NEK1: variants seen among roughly 807,000 people sequenced by gnomAD.
The protein encoded by NEK1 is serine/threonine-protein kinase Nek1.
NEK1 carries 137 observed loss-of-function variants against 182.1 expected under a neutral mutation model. The observed-to-expected ratio is 0.75, with a 90% CI of 0.65 to 0.87. NEK1 has a LOEUF of 0.87. Ranked by LOEUF, NEK1 falls within the 40% of genes least tolerant of loss-of-function variation. The pLI is 0.00. For synonymous variants in NEK1, 513 were observed against 492.2 expected (o/e 1.04, Z -0.56); for missense variants, 1,391 against 1,494.4 (o/e 0.93, Z 1.14).
intron 2 of NEK1, among the ~76,000 whole-genome samples, chr4:169,611,099 C>T (rs1772249304): frequency 6.6e-6 from 1 of 152,130 alleles, no homozygotes; most frequent in Non-Finnish European, 1.5e-5. Context: ...AAAGAATGTA[C>T]ATTCGTGAAA....
intron 23 of NEK1, among the ~76,000 whole-genome samples, chr4:169,501,794 T>C (rs1216946117): frequency 6.6e-6 from 1 of 151,914 alleles, no homozygotes; most frequent in African/African-American, 2.4e-5. Flanking sequence ...TATACAAAAA[T>C]AATAGAAAGA....
At chr4:169,553,971 C>A (rs1761786930) in intron 18 of NEK1, 1 of 152,186 alleles carries the variant, frequency 6.6e-6, no homozygotes, top group African/African-American at 2.4e-5. Flanking sequence ...AGACATGATC[C>A]AGCAATCATC....
chr4:169,585,506 G>C lies in NEK1; in HGVS notation c.650C>G (p.Ser217Cys). The part of the protein sequence containing the change: ...SMKNLVLKII[S>C]GSFPPVSLHY... ...CAAAGACACAGGTGGAAAAGATCCA[G>C]ATATTATCTTCAGTACCAGGTTTTT... The change falls in exon 10 of 36, where the codon TCT becomes TGT. Residue 217 changes from serine to cysteine, a missense_variant. Ser to Cys is a moderately radical substitution (Grantham distance 112). Coordinates refer to ENST00000507142, the MANE Select transcript of NEK1 (RefSeq NM_001199397.3). The C allele has an allele frequency of 1.3e-5, 21 of 1,613,438 alleles. No individual in the cohort carries two copies. The highest frequency in any genetic ancestry group is 1.8e-5 in the Non-Finnish European group (21 of 1,179,600).
chr4:169,446,682 C>T (rs949233008), intron 27 of NEK1, among the ~76,000 whole-genome samples: 4 of 152,038 alleles, frequency 2.6e-5, no homozygotes, highest in Non-Finnish European at 4.4e-5. Context: ...AATTCAGAAT[C>T]TTACCAGATA....
At chr4:169,564,204 T>C (rs996389703) in intron 12 of NEK1, among the ~76,000 whole-genome samples, 2 of 152,136 alleles carry the variant, frequency 1.3e-5, no homozygotes, top group African/African-American at 4.8e-5. Flanking sequence ...TTTACATTTT[T>C]CAGCCACCTT....
At position 169,453,366 on chromosome 4, in the gene NEK1, G is replaced by A. The variant is rs186115775; in HGVS notation, c.2587+9877C>T. On this transcript the variant is annotated intron_variant, in intron 27 of 35. Transcript: ENST00000507142. ...GCCCACATTGCCAAGACAATCCTAA[G>A]CCAAAAGAACAAACCTGGAGGCATC... Among the ~76,000 whole-genome samples, 389 of 152,296 alleles carry A rather than the reference G, an allele frequency of 2.6e-3. 2 individuals carry two copies. The highest frequency in any genetic ancestry group is 9.0e-3 in the African/African-American group (373 of 41,550).
At chr4:169,455,157 T>G (rs1385492379) in intron 27 of NEK1, among the ~76,000 whole-genome samples, 1 of 152,074 alleles carries the variant, frequency 6.6e-6, no homozygotes, top group African/African-American at 2.4e-5. Context: ...GCAGGGAACA[T>G]CACACACTGG....
chr4:169,447,932 C>A (rs1740890517), intron 27 of NEK1, among the ~76,000 whole-genome samples: 2 of 151,936 alleles, frequency 1.3e-5, no homozygotes, highest in Admixed American at 1.3e-4. Flanking sequence ...TGCCTGTAAT[C>A]CTAGAACTTT....
chr4:169,479,361 A>C, intron 24 of NEK1, 42 bp downstream of exon 24: 1 of 1,555,120 alleles, frequency 6.4e-7, no homozygotes, highest in South Asian at 1.2e-5. Context: ...CCTTTTAAAT[A>C]ATCTTTTGAC....
At chr4:169,453,328 G>T (rs1203903362) in intron 27 of NEK1, among the ~76,000 whole-genome samples, 1 of 152,046 alleles carries the variant, frequency 6.6e-6, no homozygotes, top group Admixed American at 6.5e-5. Flanking sequence ...AGTTCATATG[G>T]AACCAAAAAA....
intron 29 of NEK1, among the ~76,000 whole-genome samples, chr4:169,427,706 G>T (rs1400114375): frequency 6.6e-6 from 1 of 150,738 alleles, no homozygotes; most frequent in African/African-American, 2.4e-5. Flanking sequence ...ATGTTGGCCA[G>T]GTTGGTCTCA....
At chr4:169,493,904 AAG>A (rs1429299310) in intron 23 of NEK1, among the ~76,000 whole-genome samples, 13 of 152,322 alleles carry the variant, frequency 8.5e-5, no homozygotes, top group Admixed American at 3.3e-4. Flanking sequence ...CCAATCTTCC[AAG>A]AGAGGTTGAT....
intron 27 of NEK1, among the ~76,000 whole-genome samples, chr4:169,439,742 C>T (rs1390381982): frequency 6.6e-6 from 1 of 151,232 alleles, no homozygotes; most frequent in Non-Finnish European, 1.5e-5. Context: ...AGGAAGAAAG[C>T]TTAATAGATT....
At chr4:169,610,209 C>T (rs1471580728) in intron 2 of NEK1, among the ~76,000 whole-genome samples, 1 of 152,114 alleles carries the variant, frequency 6.6e-6, no homozygotes, top group African/African-American at 2.4e-5. Context: ...GCCATACTGG[C>T]CAGGCTGGTC....
At chr4:169,604,697 ACAT>A (rs1771048070) in intron 2 of NEK1, among the ~76,000 whole-genome samples, 2 of 152,274 alleles carry the variant, frequency 1.3e-5, no homozygotes, top group Admixed American at 1.3e-4. Flanking sequence ...TAAATGACAA[ACAT>A]CATATGCTGT....
chr4:169,515,019 C>T (rs1227962161), intron 19 of NEK1, among the ~76,000 whole-genome samples: 1 of 151,992 alleles, frequency 6.6e-6, no homozygotes, highest in East Asian at 1.9e-4. Context: ...CATTTTTGTG[C>T]GTTGTGTGTC....
chr4:169,502,129 C>A (rs80157533), intron 23 of NEK1, among the ~76,000 whole-genome samples: 2,007 of 151,704 alleles, frequency 0.013, 40 homozygotes, highest in African/African-American at 0.046. Flanking sequence ...TGTGCACATA[C>A]TATAAAATTA....
chr4:169,565,820 T>G (rs748949860), intron 12 of NEK1, among the ~76,000 whole-genome samples: 1 of 151,322 alleles, frequency 6.6e-6, no homozygotes, highest in Admixed American at 6.6e-5. Flanking sequence ...GAATGGGGAG[T>G]GGCTGCTAAT....
In NEK1 at chr4:169,576,963, A is replaced by G; in HGVS notation, c.985T>C (p.Leu329=). Residue 329 remains leucine (L), a synonymous_variant, in exon 12 of 36, where the codon TTA becomes CTA. Coordinates refer to ENST00000507142, the MANE Select transcript of NEK1 (RefSeq NM_001199397.3). ...LAYKKYGDKK[L]HEKKPLQKHK... ...TTTTGCAGTGGTTTCTTTTCGTGTAATTTTTTATCTCCATATTTCTTATAT... is the reference window on the plus strand; with the variant it reads ...TTTTGCAGTGGTTTCTTTTCGTGTAGTTTTTTATCTCCATATTTCTTATAT... 6.2e-7 allele frequency: 1 copy of G among 1,611,636 alleles called. No individual in the cohort carries two copies. Among genetic ancestry groups the G allele is most frequent in the East Asian group, 2.2e-5 (1 of 44,772 alleles).
Sources: allele counts gnomAD v4.1 joint callset (sites outside exome capture counted in the v4.1 genomes callset), GRCh38; gene constraint gnomAD v4.1.1; transcripts MANE v1.5; gene names NCBI Gene and HGNC (gene_info 2026-07-23, HGNC 2026-07-21).